ANO7: variants seen among roughly 807,000 people sequenced by gnomAD.
ANO7 encodes anoctamin-7.
ANO7 carries 114 observed loss-of-function variants against 115.8 expected under a neutral mutation model. The ratio of observed to expected loss-of-function variants is 0.98; its 90% CI spans 0.85 to 1.15. ANO7 has a LOEUF of 1.15. Ranked by LOEUF, ANO7 falls within the 50% of genes most tolerant of loss-of-function variation. ANO7 has a pLI of 0.00. For missense variants in ANO7, 1,302 were observed against 1,201.2 expected, an observed-to-expected ratio of 1.08 and a Z score of -1.24; for synonymous variants, 550 against 498.2, an observed-to-expected ratio of 1.10 and a Z score of -1.38.
intron 17 of ANO7, 140 bp downstream of exon 17, chr2:241,212,766 C>T (rs562311414): frequency 1.1e-6 from 1 of 937,010 alleles, no homozygotes; most frequent in Admixed American, 2.4e-5. Flanking sequence ...AGCTGTGCAG[C>T]TGACCACTCA....
At chr2:241,191,403 T>C in intron 3 of ANO7, 152 bp downstream of exon 3, 1 of 887,826 alleles carries the variant, frequency 1.1e-6, no homozygotes, top group Non-Finnish European at 1.7e-6. Context: ...GGTGAGGGCC[T>C]CGGGGTGAGC....
At chr2:241,219,731 C>CTTTT (rs11299376) in intron 21 of ANO7, among the ~76,000 whole-genome samples, 4 of 113,972 alleles carry the variant, frequency 3.5e-5, no homozygotes, top group African/African-American at 3.4e-5. Context: ...CCAGGCCTGG[C>CTTTT]TTTTTTTTTT....
At chr2:241,233,834 C>T in the ANO7 span, 1 of 1,614,042 alleles carries the variant, frequency 6.2e-7, no homozygotes, top group African/African-American at 1.3e-5. This position sits in a 1 kb window ranked among gnomAD's most constrained non-coding sequence, Gnocchi z 4.3. Flanking sequence ...TTCCCATCGT[C>T]CTTATCAGGA....
chr2:241,188,692 C>G lies in ANO7; in HGVS notation c.-82C>G, dbSNP rs2068114347. The G allele has an allele frequency of 1.9e-6, 3 of 1,613,576 alleles. No individual in the cohort carries two copies. The East Asian group carries it at 6.7e-5, about 36-fold the overall frequency. On this transcript the variant is annotated 5_prime_UTR_variant, in exon 1 of 25. Transcript: ENST00000674324. The surrounding 1 kb of genome is among the most constrained non-coding windows in gnomAD (Gnocchi z 4.3). ...TCTGTCCCGCAGTGAGGACGGGACT[C>G]TACTGCCGAGACCAGGCTCACGCTG...
At chr2:241,213,664 G>C (rs2068763350) in intron 17 of ANO7, among the ~76,000 whole-genome samples, 1 of 152,214 alleles carries the variant, frequency 6.6e-6, no homozygotes, top group African/African-American at 2.4e-5. Context: ...AGGCAGCAGG[G>C]TGGGTGCATC....
At chr2:241,235,632 G>C in the ANO7 span, 1 of 1,438,246 alleles carries the variant, frequency 7.0e-7, no homozygotes, top group Non-Finnish European at 9.8e-7. Context: ...CGTGGGAGCT[G>C]AGAGCAGAGT....
chr2:241,189,907 C>A, intron 1 of ANO7, 150 bp from the exon 2 acceptor site: 2 of 601,742 alleles, frequency 3.3e-6, no homozygotes, highest in Non-Finnish European at 5.8e-6. Flanking sequence ...GTGCTCATGG[C>A]CAGGAGAGTC....
chr2:241,235,293 C>G, the ANO7 span: 2 of 1,613,812 alleles, frequency 1.2e-6, no homozygotes, highest in Non-Finnish European at 8.5e-7. Context: ...TTCAGGACCC[C>G]AGAGAACAGG....
Position 241,224,322 on chromosome 2 carries a change from A to T in ANO7, c.*169A>T. ...CCCCCCAGCGCCGGCTTCTCTCCTC[A>T]GAGCGCCTGTCACTCCATCCCCGGC... On this transcript the variant is annotated 3_prime_UTR_variant, in exon 25 of 25. Transcript: ENST00000674324. The T allele has an allele frequency of 1.4e-6, 1 of 705,668 alleles. No individual in the cohort carries two copies. The allele number at this position is 705,668 out of a possible 1,614,324, so 43.7% of individuals were successfully genotyped here.
chr2:241,208,478 TC>T (rs767639259), intron 11 of ANO7, among the ~76,000 whole-genome samples: 18 of 152,150 alleles, frequency 1.2e-4, no homozygotes, highest in Non-Finnish European at 2.9e-5. Context: ...GTTCCTCTTC[TC>T]CCCTCTTGTA....
At chr2:241,223,419 C>T (rs1436593649) in intron 22 of ANO7, 143 bp downstream of exon 22, 2 of 1,104,280 alleles carry the variant, frequency 1.8e-6, no homozygotes, top group African/African-American at 3.1e-5. Context: ...TTCTCTGCAC[C>T]TGCGTTTTCC....
chr2:241,195,597 A>T, intron 3 of ANO7, 106 bp from the exon 4 acceptor site: 1 of 1,112,466 alleles, frequency 9.0e-7, no homozygotes, highest in Non-Finnish European at 1.3e-6. Context: ...TGAGTGTCCA[A>T]GTGCATGGCT....
intron 21 of ANO7, among the ~76,000 whole-genome samples, chr2:241,221,112 C>A (rs2069001344): frequency 6.6e-6 from 1 of 151,384 alleles, no homozygotes; most frequent in Non-Finnish European, 1.5e-5. Flanking sequence ...TGCTCTGTTG[C>A]CCAGGCTGGA....
downstream of ANO7, chr2:241,230,402 G>A (rs541773877): frequency 3.7e-5 from 24 of 654,518 alleles, no homozygotes; most frequent in African/African-American, 3.6e-4. This position sits in a 1 kb window ranked among gnomAD's most constrained non-coding sequence, Gnocchi z 5.0. Flanking sequence ...TTGTTCTGAA[G>A]TCAGTCAGCC....
At chr2:241,231,532 A>C in the ANO7 span, among the ~76,000 whole-genome samples, 2 of 152,178 alleles carry the variant, frequency 1.3e-5, no homozygotes, top group Non-Finnish European at 2.9e-5. Flanking sequence ...ACTAACAGGC[A>C]AGAATTCTGG....
In ANO7 at chr2:241,223,110, T is replaced by C; in HGVS notation, c.2322-76T>C. ...AGCGAAATGGTGGAAAAAGGGGAGATAGGCTAATTCCAGAGGCACCTGCCC... is the reference window on the plus strand; with the variant it reads ...AGCGAAATGGTGGAAAAAGGGGAGACAGGCTAATTCCAGAGGCACCTGCCC... On this transcript the variant is annotated intron_variant, in intron 21 of 24. Transcript: ENST00000674324. 3 of 1,309,802 alleles carry C rather than the reference T, an allele frequency of 2.3e-6. 1 individual carries two copies. Among genetic ancestry groups the C allele is most frequent in the South Asian group, 2.5e-5 (2 of 78,432 alleles). 81.1% of individuals were successfully genotyped at this position (1,309,802 alleles called of 1,614,324 possible).
At chr2:241,238,568 C>T in the ANO7 span, 3 of 1,133,134 alleles carry the variant, frequency 2.6e-6, no homozygotes, top group Non-Finnish European at 2.4e-6. This position sits in a 1 kb window ranked among gnomAD's most constrained non-coding sequence, Gnocchi z 4.9. Flanking sequence ...GAAAGAGCCT[C>T]ACCAGTATGT....
At chr2:241,202,487 G>A (rs945336811) in intron 8 of ANO7, among the ~76,000 whole-genome samples, 183 bp downstream of exon 8, 1 of 152,228 alleles carries the variant, frequency 6.6e-6, no homozygotes, top group African/African-American at 2.4e-5. Flanking sequence ...CCTGTCCGGG[G>A]CCTCAGGTCC....
At position 241,223,976 on chromosome 2, in the gene ANO7, G is replaced by C. The variant is rs199821416; in HGVS notation, c.2583+21G>C. 1.1e-5 allele frequency: 18 copies of C among 1,614,002 alleles called. No individual in the cohort carries two copies. The East Asian group carries it at 4.0e-4, about 36-fold the overall frequency. On this transcript the variant is annotated intron_variant, in intron 24 of 24. Transcript: ENST00000674324. ...CAGAGGCAAGTCTGGGAGCAGCCAG[G>C]CCCCTGCCCCGTGCACTCCCTGAGG... is the stretch of plus-strand genomic sequence containing the variant.
Sources: gnomAD v4.1 joint callset for allele counts (sites outside exome capture counted in the v4.1 genomes callset) on GRCh38, gnomAD v4.1.1 for gene constraint, Gnocchi (gnomAD v3.1) non-coding constraint, MANE v1.5 for transcripts, NCBI Gene and HGNC (gene_info 2026-07-23, HGNC 2026-07-21) for gene names.